FOXJ1: variants seen among roughly 807,000 people sequenced by gnomAD.
FOXJ1 encodes forkhead box J1.
Under a neutral mutation model 29.3 loss-of-function variants are expected in FOXJ1, and 8 were observed. The ratio of observed to expected loss-of-function variants is 0.27; its 90% CI spans 0.16 to 0.49. The LOEUF (loss-of-function observed/expected upper bound fraction) is 0.49. Ranked by LOEUF, FOXJ1 falls within the 20% of genes least tolerant of loss-of-function variation. The pLI, the probability that FOXJ1 is intolerant of heterozygous loss-of-function variation, is 0.98. For missense variants in FOXJ1, 539 were observed against 595.5 expected (o/e 0.91, Z 0.99); for synonymous variants, 280 against 278.7 (o/e 1.00, Z -0.05).
rs1467397401 is a variant in FOXJ1, at chr17:76,136,556, T to G, written c.*797A>C. The G allele has an allele frequency of 6.6e-6, 1 of 152,168 alleles. No homozygotes were observed. The highest frequency in any genetic ancestry group is 1.5e-5 in the Non-Finnish European group (1 of 68,158). 9.4% of individuals were successfully genotyped at this position (152,168 alleles called of 1,614,324 possible). On this transcript the variant is annotated 3_prime_UTR_variant, in exon 3 of 3. Coordinates refer to ENST00000322957, the MANE Select transcript of FOXJ1 (RefSeq NM_001454.4). This position sits in a 1 kb window ranked among gnomAD's most constrained non-coding sequence, Gnocchi z 4.9. ...CAGCAAGCTCGGCATCCCTCCCAGT[T>G]AAGCCTCAGCTACAGCTACACTCAC...
At chr17:76,138,160 G>A (rs1388236309) in intron 2 of FOXJ1, 40 bp from the exon 3 acceptor site, 1 of 1,604,728 alleles carries the variant, frequency 6.2e-7, no homozygotes, top group South Asian at 1.1e-5. Flanking sequence ...GGAACCGCTA[G>A]GTCAGTGGGG....
At chr17:76,138,155 C>T (rs201039180) in intron 2 of FOXJ1, 35 bp from the exon 3 acceptor site, 31 of 1,608,686 alleles carry the variant, frequency 1.9e-5, no homozygotes, top group Non-Finnish European at 2.5e-5. Flanking sequence ...AGAGAGGAAC[C>T]GCTAGGTCAG....
chr17:76,137,294 G>A lies in FOXJ1; in HGVS notation c.*59C>T. 1 of 1,377,742 alleles carries A rather than the reference G, an allele frequency of 7.3e-7. No homozygotes were observed. The highest frequency in any genetic ancestry group is 9.5e-7 in the Non-Finnish European group (1 of 1,055,968). 85.3% of individuals were successfully genotyped at this position (1,377,742 alleles called of 1,614,324 possible). ...GTGGGGTGTCTGTGGACCTGTGTTG[G>A]GGGGCAGTTCTGGACCCTGACTTGG... On this transcript the variant is annotated 3_prime_UTR_variant, in exon 3 of 3. Transcript: ENST00000322957. This position sits in a 1 kb window ranked among gnomAD's most constrained non-coding sequence, Gnocchi z 9.5.
chr17:76,137,598 G>C lies in FOXJ1; in HGVS notation c.1021C>G (p.His341Asp). 1 of 1,602,930 alleles carries C rather than the reference G, an allele frequency of 6.2e-7. No individual in the cohort carries two copies. Among genetic ancestry groups the C allele is most frequent in the Non-Finnish European group, 8.5e-7 (1 of 1,173,514 alleles). ...ELSPPLSPAS[H>D]VDVDLTIHGR... Reference sequence around the variant, plus strand: ...TGGATGGTGAGGTCCACGTCCACGTGTGAGGCGGGGCTCAGAGGCGGGCTC... The same window carrying C: ...TGGATGGTGAGGTCCACGTCCACGTCTGAGGCGGGGCTCAGAGGCGGGCTC... The change falls in exon 3 of 3, where the codon CAC becomes GAC. Residue 341 changes from histidine (H) to aspartate (D), a missense_variant. Physicochemically the swap from His to Asp is moderately conservative, Grantham distance 81 (BLOSUM62 -1). This residue lies in a region of FOXJ1 where 302 missense variants were observed against 293.6 expected (regional missense o/e 1.03). Coordinates refer to ENST00000322957, the MANE Select transcript of FOXJ1 (RefSeq NM_001454.4). This position sits in a 1 kb window ranked among gnomAD's most constrained non-coding sequence, Gnocchi z 9.5.
rs2068484704 is a variant in FOXJ1 at position 76,137,179 on chromosome 17, C to T, written c.*174G>A. The T allele has an allele frequency of 7.5e-5, 41 of 548,170 alleles. No individual in the cohort carries two copies. The Middle Eastern group carries it at 1.9e-3, about 26-fold the overall frequency. The allele number at this position is 548,170 out of a possible 1,614,324, so 34.0% of individuals were successfully genotyped here. A position where few individuals can be genotyped will look rare whatever the true frequency, so the allele number is the denominator to read the frequency against. ...GGTCCTGGGCCCTCGTTTTCAGCCT[C>T]CTGGGCTTGAATCTGATGGCAGCTG... On this transcript the variant is annotated 3_prime_UTR_variant, in exon 3 of 3. Transcript: ENST00000322957. The surrounding 1 kb of genome is among the most constrained non-coding windows in gnomAD (Gnocchi z 9.5).
chr17:76,137,358 A>G lies in FOXJ1; in HGVS notation c.1261T>C (p.Leu421=), dbSNP rs2068485660. ...LQDWASVGAF[L] is the part of the protein sequence containing the mutation. ...GTGGGGCAGGGCCTGGCCTCTTACA[A>G]GAAGGCCCCCACGCTGGCCCAGTCC... Residue 421 remains leucine, a synonymous_variant, in exon 3 of 3, where the codon TTG becomes CTG. Coordinates refer to ENST00000322957, the MANE Select transcript of FOXJ1 (RefSeq NM_001454.4). This position sits in a 1 kb window ranked among gnomAD's most constrained non-coding sequence, Gnocchi z 9.5. 1 of 1,485,852 alleles carries G rather than the reference A, an allele frequency of 6.7e-7. No individual in the cohort carries two copies. Among genetic ancestry groups the G allele is most frequent in the Non-Finnish European group, 8.9e-7 (1 of 1,119,970 alleles). 92.0% of individuals were successfully genotyped at this position (1,485,852 alleles called of 1,614,324 possible).
In FOXJ1 at chr17:76,140,509, C is replaced by T; in HGVS notation, c.-114G>A. 1.0e-6 allele frequency: 1 copy of T among 960,978 alleles called. No homozygotes were observed. The highest frequency in any genetic ancestry group is 1.4e-6 in the Non-Finnish European group (1 of 709,130). The allele number at this position is 960,978 out of a possible 1,614,324, so 59.5% of individuals were successfully genotyped here. A position where few individuals can be genotyped will look rare whatever the true frequency, so the allele number is the denominator to read the frequency against. ...AGCTCCCGTTACACGGCCTCCCGGA[C>T]GCGCGCTTCCATCTCGCGACCCCGG... On this transcript the variant is annotated 5_prime_UTR_variant, in exon 2 of 3. Coordinates refer to ENST00000322957, the MANE Select transcript of FOXJ1 (RefSeq NM_001454.4). The surrounding 1 kb of genome is among the most constrained non-coding windows in gnomAD (Gnocchi z 8.0).
In FOXJ1 at chr17:76,137,864, C is replaced by T. The variant is rs778551023; in HGVS notation, c.755G>A (p.Arg252Gln). The T allele has an allele frequency of 6.3e-6, 10 of 1,586,418 alleles. No individual in the cohort carries two copies. The highest frequency in any genetic ancestry group is 3.4e-5 in the South Asian group (3 of 88,260). ...TVNTEAQQLL[R>Q]EFEEATGEAG... Reference sequence around the variant, plus strand: ...CTCCCCGGTGGCCTCCTCGAACTCCCGCAGCAGCTGCTGGGCCTCGGTATT... The same window carrying T: ...CTCCCCGGTGGCCTCCTCGAACTCCTGCAGCAGCTGCTGGGCCTCGGTATT... Residue 252 changes from arginine (R) to glutamine (Q), a missense_variant, in exon 3 of 3, where the codon CGG (arginine) becomes CAG (glutamine). Around this residue, in one of 3 missense-constraint regions of FOXJ1, gnomAD observed 302 missense variants for 293.6 expected, o/e 1.03. Transcript: ENST00000322957. The surrounding 1 kb of genome is among the most constrained non-coding windows in gnomAD (Gnocchi z 9.5).
Position 76,139,805 on chromosome 17 carries a change from A to T in FOXJ1, c.498+93T>A. 1 of 1,408,284 alleles carries T rather than the reference A, an allele frequency of 7.1e-7. No homozygotes were observed. Among genetic ancestry groups the T allele is most frequent in the Non-Finnish European group, 9.7e-7 (1 of 1,030,428 alleles). The allele number at this position is 1,408,284 out of a possible 1,614,324, so 87.2% of individuals were successfully genotyped here. A position where few individuals can be genotyped will look rare whatever the true frequency, so the allele number is the denominator to read the frequency against. ...GGGCGCTGGCCGCACCGCAGAGCCT[A>T]CTTGGCCTGCAGATTTGGGATATGA... is the stretch of plus-strand genomic sequence containing the variant. On this transcript the variant is annotated intron_variant, in intron 2 of 2. Coordinates refer to ENST00000322957, the MANE Select transcript of FOXJ1 (RefSeq NM_001454.4). This position sits in a 1 kb window ranked among gnomAD's most constrained non-coding sequence, Gnocchi z 6.6.
In FOXJ1 at chr17:76,138,068, C is replaced by T; in HGVS notation, c.551G>A (p.Arg184Gln). The T allele has an allele frequency of 1.9e-6, 3 of 1,613,922 alleles. No individual in the cohort carries two copies. Among genetic ancestry groups the T allele is most frequent in the Non-Finnish European group, 2.5e-6 (3 of 1,180,018 alleles). The part of the protein sequence containing the change: ...SLNKCFIKVP[R>Q]EKDEPGKGGF... ...CCCCTTGCCTGGTTCGTCCTTCTCC[C>T]GAGGCACTTTGATGAAGCACTTGTT... Residue 184 changes from arginine to glutamine, a missense_variant, in exon 3 of 3, where the codon CGG becomes CAG. Coordinates refer to ENST00000322957, the MANE Select transcript of FOXJ1 (RefSeq NM_001454.4).
Position 76,140,148 on chromosome 17 carries a change from C to G in FOXJ1, c.248G>C (p.Gly83Ala), listed in dbSNP as rs1292847115. 1.3e-6 allele frequency: 2 copies of G among 1,542,376 alleles called. No homozygotes were observed. Among genetic ancestry groups the G allele is most frequent in the African/African-American group, 2.8e-5 (2 of 71,948 alleles). The change falls in exon 2 of 3, where the codon GGG becomes GCG. Residue 83 changes from glycine (G) to alanine (A), a missense_variant. Around this residue, in one of 3 missense-constraint regions of FOXJ1, gnomAD observed 178 missense variants for 254.4 expected, o/e 0.70. Transcript: ENST00000322957. This position sits in a 1 kb window ranked among gnomAD's most constrained non-coding sequence, Gnocchi z 8.0. ...SPLAADPACLGQPHTPGKPTS... is the reference protein window; with the variant it reads ...SPLAADPACLAQPHTPGKPTS... Reference sequence around the variant, plus strand: ...GGGCTTGCCCGGCGTGTGTGGCTGCCCCAGGCAGGCGGGGTCGGCCGCCAG... The same window carrying G: ...GGGCTTGCCCGGCGTGTGTGGCTGCGCCAGGCAGGCGGGGTCGGCCGCCAG...
In FOXJ1 at chr17:76,138,132, G is replaced by C. The variant is rs1373403071; in HGVS notation, c.499-12C>G. On this transcript the variant is annotated splice_polypyrimidine_tract_variant and intron_variant, in intron 2 of 2. Transcript: ENST00000322957. The stretch of plus-strand genomic sequence containing the variant: ...TGGCGGATTGAATTCTGGGTGCAGG[G>C]AGAGAGCAAGAGAGAGAGGAACCGC... 7 of 1,612,874 alleles carry C rather than the reference G, an allele frequency of 4.3e-6. No homozygotes were observed. Among genetic ancestry groups the C allele is most frequent in the Non-Finnish European group, 5.9e-6 (7 of 1,179,754 alleles).
Position 76,140,843 on chromosome 17 carries a change from C to T in FOXJ1, c.-170+271G>A, listed in dbSNP as rs2068513336. On this transcript the variant is annotated intron_variant, in intron 1 of 2. Transcript: ENST00000322957. This position sits in a 1 kb window ranked among gnomAD's most constrained non-coding sequence, Gnocchi z 8.0. ...GAAATCAGGACCCCCTTCCTCCTCG[C>T]AACAAATGGAAGTGGGGCGAGAAGT... Among the ~76,000 whole-genome samples the T allele has an allele frequency of 1.3e-5, 2 of 151,810 alleles. No individual in the cohort carries two copies. The highest frequency in any genetic ancestry group is 6.6e-5 in the Admixed American group (1 of 15,266).
rs756356305 is a variant in FOXJ1 at position 76,137,981 on chromosome 17, C to T, written c.638G>A (p.Arg213Gln). 6.2e-6 allele frequency: 10 copies of T among 1,605,708 alleles called. No individual in the cohort carries two copies. The highest frequency in any genetic ancestry group is 1.7e-5 in the Admixed American group (1 of 58,298). Reference protein sequence around the residue: ...ERLLSGAFKKRRLPPVHIHPA... With the variant: ...ERLLSGAFKKQRLPPVHIHPA... ...GTGGATGTGGACAGGGGGCAGTCGC[C>T]GCTTCTTGAAAGCGCCGCTCAGTAG... The change falls in exon 3 of 3, where the codon CGG becomes CAG. Residue 213 changes from arginine (R) to glutamine (Q), a missense_variant. Transcript: ENST00000322957. This position sits in a 1 kb window ranked among gnomAD's most constrained non-coding sequence, Gnocchi z 9.5.
In FOXJ1 at chr17:76,140,154, C is replaced by T; in HGVS notation, c.242G>A (p.Cys81Tyr). The T allele has an allele frequency of 1.3e-6, 2 of 1,511,078 alleles. No homozygotes were observed. Among genetic ancestry groups the T allele is most frequent in the Non-Finnish European group, 1.8e-6 (2 of 1,140,852 alleles). The allele number at this position is 1,511,078 out of a possible 1,614,324, so 93.6% of individuals were successfully genotyped here. A position where few individuals can be genotyped will look rare whatever the true frequency, so the allele number is the denominator to read the frequency against. ...GCCCGGCGTGTGTGGCTGCCCCAGG[C>T]AGGCGGGGTCGGCCGCCAGGGGGGA... ...PGSPLAADPACLGQPHTPGKP... is the reference protein window; with the variant it reads ...PGSPLAADPAYLGQPHTPGKP... The change falls in exon 2 of 3, where the codon TGC becomes TAC. Residue 81 changes from cysteine (C) to tyrosine (Y), a missense_variant. By Grantham distance (194) the Cys-to-Tyr change is radical. This residue lies in a region of FOXJ1 where 178 missense variants were observed against 254.4 expected (regional missense o/e 0.70). Transcript: ENST00000322957. The surrounding 1 kb of genome is among the most constrained non-coding windows in gnomAD (Gnocchi z 8.0).
chr17:76,140,446 G>A lies in FOXJ1; in HGVS notation c.-51C>T. On this transcript the variant is annotated 5_prime_UTR_variant, in exon 2 of 3. Coordinates refer to ENST00000322957, the MANE Select transcript of FOXJ1 (RefSeq NM_001454.4). This position sits in a 1 kb window ranked among gnomAD's most constrained non-coding sequence, Gnocchi z 8.0. ...GGTCAGCATCCACGGGCTGAGCCGG[G>A]GGTGGCCCGCCGCGCTCTCTGGCCC... 1.2e-5 allele frequency: 16 copies of A among 1,368,622 alleles called. No individual in the cohort carries two copies. The highest frequency in any genetic ancestry group is 1.5e-5 in the Non-Finnish European group (16 of 1,067,348). 84.8% of individuals were successfully genotyped at this position (1,368,622 alleles called of 1,614,324 possible).
At chr17:76,138,584 G>C (rs1309724828) in intron 2 of FOXJ1, among the ~76,000 whole-genome samples, 1 of 152,118 alleles carries the variant, frequency 6.6e-6, no homozygotes, top group Non-Finnish European at 1.5e-5. Flanking sequence ...GGGAGAGAGA[G>C]AGAGAGCGCG....
In FOXJ1 at chr17:76,138,064, C is replaced by T. The variant is rs1370119343; in HGVS notation, c.555G>A (p.Glu185=). The change falls in exon 3 of 3, where the codon GAG becomes GAA. Residue 185 remains glutamate (E), a synonymous_variant. Transcript: ENST00000322957. ...LNKCFIKVPR[E]KDEPGKGGFW... Reference sequence around the variant, plus strand: ...AGCCCCCCTTGCCTGGTTCGTCCTTCTCCCGAGGCACTTTGATGAAGCACT... The same window carrying T: ...AGCCCCCCTTGCCTGGTTCGTCCTTTTCCCGAGGCACTTTGATGAAGCACT... The T allele has an allele frequency of 2.5e-6, 4 of 1,613,980 alleles. No homozygotes were observed. The highest frequency in any genetic ancestry group is 1.7e-5 in the Admixed American group (1 of 60,024).
chr17:76,140,469 C>T lies in FOXJ1; in HGVS notation c.-74G>A, dbSNP rs894964638. 5 of 1,269,874 alleles carry T rather than the reference C, an allele frequency of 3.9e-6. No individual in the cohort carries two copies. Among genetic ancestry groups the T allele is most frequent in the Admixed American group, 4.0e-5 (1 of 25,054 alleles). 78.7% of individuals were successfully genotyped at this position (1,269,874 alleles called of 1,614,324 possible). On this transcript the variant is annotated 5_prime_UTR_variant, in exon 2 of 3. Coordinates refer to ENST00000322957, the MANE Select transcript of FOXJ1 (RefSeq NM_001454.4). The surrounding 1 kb of genome is among the most constrained non-coding windows in gnomAD (Gnocchi z 8.0). ...GGGGGTGGCCCGCCGCGCTCTCTGG[C>T]CCGCTGAGTCCCGCAGCTCCCGTTA...
Sources: gnomAD v4.1 joint callset for allele counts (sites outside exome capture counted in the v4.1 genomes callset) on GRCh38, gnomAD v4.1.1 for gene constraint, gnomAD v4.1.1 regional missense constraint, Gnocchi (gnomAD v3.1) non-coding constraint, MANE v1.5 for transcripts, NCBI Gene and HGNC (gene_info 2026-07-23, HGNC 2026-07-21) for gene names.